Variants in MPDZ observed in about 807,000 individuals in gnomAD.
MPDZ encodes the protein multiple PDZ domain crumbs cell polarity complex component.
A neutral mutation model predicts 239.1 loss-of-function variants in MPDZ; 234 were observed. That is an observed-to-expected ratio of 0.98 (90% CI 0.88 to 1.09). The LOEUF is 1.09. MPDZ is among the 50% of genes least tolerant of loss of function. The pLI is 0.00. For synonymous variants in MPDZ, 1,048 were observed against 881.3 expected, an observed-to-expected ratio of 1.19 and a Z score of -3.35; for missense variants, 3,175 against 2,510.0, an observed-to-expected ratio of 1.26 and a Z score of -5.66.
chr9:13,172,208 G>C (rs768849716), intron 21 of MPDZ, among the ~76,000 whole-genome samples: 2 of 152,002 alleles, frequency 1.3e-5, no homozygotes, highest in Non-Finnish European at 2.9e-5. Context: ...AACCTCACTG[G>C]GTCCCAGGAA....
At chr9:13,244,097 T>A (rs531589154) in intron 3 of MPDZ, among the ~76,000 whole-genome samples, 1 of 152,346 alleles carries the variant, frequency 6.6e-6, no homozygotes, top group South Asian at 2.1e-4. Flanking sequence ...ATCATTTTAA[T>A]TCTCAGTTTT....
rs369350318 is a variant in MPDZ, at chr9:13,205,959, T to A, written c.1431A>T (p.Thr477=). The stretch of plus-strand genomic sequence containing the variant: ...TAACAGGAGACAAATCTGCATCTTT[T>A]GTGACGTCTTCCCTTGACATGAGCT... ...EAELMSREDV[T]KDADLSPVNA... The change falls in exon 11 of 47, where the codon ACA becomes ACT. Residue 477 remains threonine, a synonymous_variant. Coordinates refer to ENST00000319217, the MANE Select transcript of MPDZ (RefSeq NM_001378778.1). 183 of 1,608,984 alleles carry A rather than the reference T, an allele frequency of 1.1e-4. No individual in the cohort carries two copies. The highest frequency in any genetic ancestry group is 1.5e-4 in the Non-Finnish European group (179 of 1,178,348).
chr9:13,277,549 T>G (rs1326902211), intron 1 of MPDZ, among the ~76,000 whole-genome samples: 1 of 152,050 alleles, frequency 6.6e-6, no homozygotes, highest in Non-Finnish European at 1.5e-5. Flanking sequence ...TGCTAGGCTT[T>G]TATTTTTATT....
intron 40 of MPDZ, 139 bp downstream of exon 40, chr9:13,115,109 T>C: frequency 1.6e-6 from 1 of 630,646 alleles, no homozygotes; most frequent in South Asian, 2.1e-5. Context: ...TGTTCTTCTC[T>C]GTCTCAAACT....
At chr9:13,206,407 G>C (rs1489334533) in intron 10 of MPDZ, among the ~76,000 whole-genome samples, 2 of 151,544 alleles carry the variant, frequency 1.3e-5, no homozygotes, top group African/African-American at 4.8e-5. Context: ...CCTTTTTGTT[G>C]AGACAGGGTC....
chr9:13,108,224 T>G (rs1941814073), intron 46 of MPDZ, among the ~76,000 whole-genome samples: 1 of 152,152 alleles, frequency 6.6e-6, no homozygotes, highest in Non-Finnish European at 1.5e-5. Flanking sequence ...CTTGTCGAAT[T>G]TTGTAGCCCC....
At position 13,126,764 on chromosome 9, in the gene MPDZ, C is replaced by A; in HGVS notation, c.4473G>T (p.Gly1491=). ...VQHLELPKDQ[G]GLGIAISEED... ...CTTCGCTGATAGCAATACCCAAACC[C>A]CCCTGATCCTAGAAAAGTAAAAACA... Residue 1491 remains glycine, a synonymous_variant, in exon 33 of 47, where the codon GGG becomes GGT. Coordinates refer to ENST00000319217, the MANE Select transcript of MPDZ (RefSeq NM_001378778.1). 2 of 1,613,576 alleles carry A rather than the reference C, an allele frequency of 1.2e-6. No individual in the cohort carries two copies. The highest frequency in any genetic ancestry group is 1.1e-5 in the South Asian group (1 of 91,066).
chr9:13,106,938 T>C lies in MPDZ; in HGVS notation c.*27A>G, dbSNP rs2130910202. On this transcript the variant is annotated 3_prime_UTR_variant, in exon 47 of 47. Coordinates refer to ENST00000319217, the MANE Select transcript of MPDZ (RefSeq NM_001378778.1). ...TTACAGTAGGAGGTGAGCTAGGGGT[T>C]GGGTTGGTTCAATTCTGGCAGCCAA... 3.1e-6 allele frequency: 5 copies of C among 1,611,940 alleles called. No individual in the cohort carries two copies. Among genetic ancestry groups the C allele is most frequent in the Non-Finnish European group, 4.2e-6 (5 of 1,178,338 alleles).
At chr9:13,143,302 C>CTTA (rs1404694895) in intron 27 of MPDZ, among the ~76,000 whole-genome samples, 164 bp downstream of exon 27, 5 of 151,988 alleles carry the variant, frequency 3.3e-5, no homozygotes, top group Admixed American at 6.6e-5. Flanking sequence ...GGAAAATGTG[C>CTTA]TTAAGAAAGG....
chr9:13,126,379 G>A (rs1236558224), intron 34 of MPDZ, 137 bp downstream of exon 34: 2 of 533,534 alleles, frequency 3.7e-6, no homozygotes, highest in African/African-American at 1.9e-5. Context: ...AAGAACTTCT[G>A]AACAATCTCT....
At chr9:13,265,049 T>C (rs1458313679) in intron 1 of MPDZ, among the ~76,000 whole-genome samples, 1 of 152,206 alleles carries the variant, frequency 6.6e-6, no homozygotes, top group African/African-American at 2.4e-5. Context: ...CACAACAATG[T>C]GTCAATGCCA....
chr9:13,224,296 T>C, intron 4 of MPDZ, 78 bp downstream of exon 4: 1 of 1,308,840 alleles, frequency 7.6e-7, no homozygotes, highest in East Asian at 2.3e-5. Context: ...CACTATATTC[T>C]TCAAATTATC....
At chr9:13,254,471 T>C (rs1371615636) in intron 1 of MPDZ, among the ~76,000 whole-genome samples, 1 of 152,226 alleles carries the variant, frequency 6.6e-6, no homozygotes, top group Non-Finnish European at 1.5e-5. Flanking sequence ...CAGTATATTG[T>C]TGTAATTGTT....
chr9:13,115,834 A>C (rs1189615675), intron 39 of MPDZ, among the ~76,000 whole-genome samples: 1 of 151,588 alleles, frequency 6.6e-6, no homozygotes, highest in Admixed American at 6.6e-5. Context: ...AGTCCCAGCT[A>C]CTCAGGAGGC....
chr9:13,189,611 A>C (rs1954623303), intron 16 of MPDZ, among the ~76,000 whole-genome samples: 1 of 152,192 alleles, frequency 6.6e-6, no homozygotes. Context: ...TCTATCAGAC[A>C]GGCTTTACCA....
chr9:13,233,346 C>T lies in MPDZ; in HGVS notation c.184-8763G>A, dbSNP rs182768771. On this transcript the variant is annotated intron_variant, in intron 3 of 46. Transcript: ENST00000319217. ...TATTCAAACAGAAAATGAAAAAGAA[C>T]TACTACTACACATACAATACAAATG... Among the ~76,000 whole-genome samples, 809 of 152,088 alleles carry T rather than the reference C, an allele frequency of 5.3e-3. 3 individuals are homozygous for T. Among genetic ancestry groups the T allele is most frequent in the African/African-American group, 0.018 (759 of 41,506 alleles).
At chr9:13,183,268 G>A in intron 19 of MPDZ, 150 bp downstream of exon 19, 1 of 591,796 alleles carries the variant, frequency 1.7e-6, no homozygotes, top group Non-Finnish European at 2.7e-6. Flanking sequence ...TTAGCTAAAT[G>A]AAATTGTACT....
chr9:13,109,897 G>A, intron 45 of MPDZ, 55 bp downstream of exon 45: 4 of 1,391,660 alleles, frequency 2.9e-6, no homozygotes, highest in Non-Finnish European at 4.0e-6. Flanking sequence ...CAACTGTCAG[G>A]AAGACTTGAT....
intron 26 of MPDZ, among the ~76,000 whole-genome samples, chr9:13,147,333 T>C (rs1948570668): frequency 6.6e-6 from 1 of 152,034 alleles, no homozygotes; most frequent in Non-Finnish European, 1.5e-5. Context: ...TACTTCTGTG[T>C]ATATTCAACA....
Sources: allele counts gnomAD v4.1 joint callset (sites outside exome capture counted in the v4.1 genomes callset), GRCh38; gene constraint gnomAD v4.1.1; transcripts MANE v1.5; gene names NCBI Gene and HGNC (gene_info 2026-07-23, HGNC 2026-07-21).